Variants in HSPH1 observed in about 807,000 individuals in gnomAD.
The protein encoded by HSPH1 is heat shock protein family H (Hsp110) member 1, also known as heat shock protein 105 kDa.
In HSPH1, 40 loss-of-function variants were observed where a neutral mutation model predicts 100.0. The ratio of observed to expected loss-of-function variants is 0.40; its 90% CI spans 0.31 to 0.52. The LOEUF (loss-of-function observed/expected upper bound fraction) is 0.52, where lower values mean the gene tolerates loss of function less well. HSPH1 is among the 20% of genes least tolerant of loss of function. The probability of loss-of-function intolerance (pLI) is 0.54; values close to 1 mark genes in which losing one functional copy is unlikely to be tolerated. For missense variants in HSPH1, 876 were observed against 1,015.1 expected (o/e 0.86, Z 1.86); for synonymous variants, 403 against 344.0 (o/e 1.17, Z -1.90).
At chr13:31,145,793 C>CA (rs1956245879) in intron 10 of HSPH1, 25 bp from the exon 11 acceptor site, 3 of 1,601,046 alleles carry the variant, frequency 1.9e-6, no homozygotes, top group Non-Finnish European at 2.6e-6. Context: ...ACAAAAATCA[C>CA]AAAATCACAA....
chr13:31,143,720 C>A, intron 12 of HSPH1, 72 bp downstream of exon 12: 1 of 1,275,424 alleles, frequency 7.8e-7, no homozygotes, highest in Non-Finnish European at 1.0e-6. Context: ...CTTGAAACTG[C>A]AATTTAATGA....
At position 31,137,523 on chromosome 13, in the gene HSPH1, T is replaced by G. The variant is rs1433234257; in HGVS notation, c.2372A>C (p.Glu791Ala). The G allele has an allele frequency of 1.9e-6, 3 of 1,607,220 alleles. No homozygotes were observed. The highest frequency in any genetic ancestry group is 2.5e-6 in the Non-Finnish European group (3 of 1,177,752). The change falls in exon 18 of 18, where the codon GAA (glutamate) becomes GCA (alanine). Residue 791 changes from glutamate to alanine, a missense_variant and splice_region_variant. Transcript: ENST00000320027. ...AACGGGTTCACATGTGTTGTTCAAT[T>G]CCTAAAGAAAACAAAAACTAGTTAT... The part of the protein sequence containing the change: ...RAQEIKTKIK[E>A]LNNTCEPVVT...
chr13:31,151,488 A>G, intron 6 of HSPH1, 121 bp downstream of exon 6: 2 of 927,984 alleles, frequency 2.2e-6, no homozygotes, highest in Non-Finnish European at 3.2e-6. Flanking sequence ...TCCTGTTAAC[A>G]TCTTTACCTA....
At chr13:31,156,248 G>A (rs902491747) in intron 2 of HSPH1, among the ~76,000 whole-genome samples, 1 of 152,050 alleles carries the variant, frequency 6.6e-6, no homozygotes, top group Non-Finnish European at 1.5e-5. Flanking sequence ...AAATTAGCCG[G>A]GCGTGGTTGC....
chr13:31,135,977 G>C lies in HSPH1; in HGVS notation c.*1341C>G, dbSNP rs183507778. On this transcript the variant is annotated 3_prime_UTR_variant, in exon 18 of 18. Transcript: ENST00000320027. Reference sequence around the variant, plus strand: ...TTGCTTGAGCCCAGGAGTTCAAGACGAACTTGGGCAACATAGCGAAACCCC... The same window carrying C: ...TTGCTTGAGCCCAGGAGTTCAAGACCAACTTGGGCAACATAGCGAAACCCC... 10 of 151,030 alleles carry C rather than the reference G, an allele frequency of 6.6e-5. No individual in the cohort carries two copies. The highest frequency in any genetic ancestry group is 1.2e-4 in the Non-Finnish European group (8 of 67,816). 9.4% of individuals were successfully genotyped at this position (151,030 alleles called of 1,614,324 possible). A position where few individuals can be genotyped will look rare whatever the true frequency, so the allele number is the denominator to read the frequency against.
At chr13:31,137,559 C>T (rs376786358) in intron 17 of HSPH1, 35 bp from the exon 18 acceptor site, 7 of 1,489,472 alleles carry the variant, frequency 4.7e-6, no homozygotes, top group Non-Finnish European at 5.5e-6. Flanking sequence ...CAGATTAACT[C>T]AGATCCATCC....
upstream of HSPH1, chr13:31,162,322 A>T (rs981862918): frequency 1.0e-5 from 6 of 585,492 alleles, no homozygotes; most frequent in African/African-American, 1.1e-4. Flanking sequence ...AGACACCGGG[A>T]TGGTGGGGAG....
chr13:31,143,578 T>C (rs991016568), intron 12 of HSPH1, among the ~76,000 whole-genome samples: 1 of 152,114 alleles, frequency 6.6e-6, no homozygotes, highest in Non-Finnish European at 1.5e-5. Flanking sequence ...AAGAGAAGCT[T>C]TTAAAAGTTT....
intron 1 of HSPH1, 58 bp downstream of exon 1, chr13:31,161,418 G>A: frequency 6.3e-7 from 1 of 1,594,672 alleles, no homozygotes; most frequent in South Asian, 1.1e-5. Flanking sequence ...GCGATCTTGG[G>A]TCCCCACACT....
intron 11 of HSPH1, 48 bp downstream of exon 11, chr13:31,145,515 G>A (rs775531563): frequency 2.1e-6 from 3 of 1,447,268 alleles, no homozygotes; most frequent in Non-Finnish European, 2.9e-6. Context: ...CTATAGCTTA[G>A]AACTAAGTCA....
chr13:31,138,489 T>C lies in HSPH1; in HGVS notation c.2288A>G (p.Asn763Ser), dbSNP rs1221716459. ...KSVNEVMEWMNNVMNAQAKKS... is the reference protein window; with the variant it reads ...KSVNEVMEWMSNVMNAQAKKS... Reference sequence around the variant, plus strand: ...TTTAGCCTGAGCATTCATGACATTATTCATCCATTCCATCACTTCATTAAC... The same window carrying C: ...TTTAGCCTGAGCATTCATGACATTACTCATCCATTCCATCACTTCATTAAC... Residue 763 changes from asparagine (N) to serine (S), a missense_variant, in exon 17 of 18, where the codon AAT becomes AGT. Coordinates refer to ENST00000320027, the MANE Select transcript of HSPH1 (RefSeq NM_006644.4). The C allele has an allele frequency of 6.2e-7, 1 of 1,613,056 alleles. No homozygotes were observed. The highest frequency in any genetic ancestry group is 8.5e-7 in the Non-Finnish European group (1 of 1,179,238).
intron 11 of HSPH1, among the ~76,000 whole-genome samples, chr13:31,144,148 T>C (rs1956192309): frequency 6.6e-6 from 1 of 152,156 alleles, no homozygotes. Context: ...TATCGTTAAA[T>C]AACACAAGTA....
At position 31,138,458 on chromosome 13, in the gene HSPH1, A is replaced by T; in HGVS notation, c.2319T>A (p.Ser773Arg). 1 of 1,613,086 alleles carries T rather than the reference A, an allele frequency of 6.2e-7. No individual in the cohort carries two copies. The highest frequency in any genetic ancestry group is 1.1e-5 in the South Asian group (1 of 90,992). ...CACGTACAACTGGATCCTGATCAAG[A>T]CTCTTTTTAGCCTGAGCATTCATGA... is the stretch of plus-strand genomic sequence containing the variant. ...NNVMNAQAKK[S>R]LDQDPVVRAQ... is the part of the protein sequence containing the mutation. Residue 773 changes from serine to arginine, a missense_variant, in exon 17 of 18, where the codon AGT becomes AGA. Coordinates refer to ENST00000320027, the MANE Select transcript of HSPH1 (RefSeq NM_006644.4).
At chr13:31,146,788 T>C (rs1248801368) in intron 10 of HSPH1, among the ~76,000 whole-genome samples, 1 of 152,172 alleles carries the variant, frequency 6.6e-6, no homozygotes, top group Non-Finnish European at 1.5e-5. Context: ...AACCAAGTGC[T>C]AGGTGTAAGT....
At chr13:31,152,254 T>G (rs1365071239) in intron 5 of HSPH1, 1 of 152,404 alleles carries the variant, frequency 6.6e-6, no homozygotes, top group Non-Finnish European at 1.5e-5. Flanking sequence ...TATTTAACAG[T>G]TTTCCAAAAA....
chr13:31,162,072 C>A (rs905793516), upstream of HSPH1: 12 of 1,536,158 alleles, frequency 7.8e-6, no homozygotes, highest in African/African-American at 1.2e-4. Context: ...AGCCGGTCCC[C>A]GGAGAACGGC....
rs573215183 is a variant in HSPH1 at position 31,158,962 on chromosome 13, G to A, written c.108-99C>T. 187 of 753,134 alleles carry A rather than the reference G, an allele frequency of 2.5e-4. 7 individuals carry two copies. The highest frequency in any genetic ancestry group is 9.7e-4 in the East Asian group (37 of 38,214). 46.7% of individuals were successfully genotyped at this position (753,134 alleles called of 1,614,324 possible). On this transcript the variant is annotated intron_variant, in intron 1 of 17. Coordinates refer to ENST00000320027, the MANE Select transcript of HSPH1 (RefSeq NM_006644.4). ...AACATAAATGTCCTACCCATTAGGG[G>A]ATAGGGAACAAGCATAGCACAATTT...
At chr13:31,155,811 A>G (rs967398026) in intron 2 of HSPH1, among the ~76,000 whole-genome samples, 157 bp from the exon 3 acceptor site, 32 of 152,318 alleles carry the variant, frequency 2.1e-4, no homozygotes, top group South Asian at 1.0e-3. Flanking sequence ...TTTCCCATCT[A>G]TGAACAGATT....
chr13:31,145,061 A>T (rs1301063032), intron 11 of HSPH1, among the ~76,000 whole-genome samples: 2 of 152,184 alleles, frequency 1.3e-5, no homozygotes, highest in African/African-American at 4.8e-5. Flanking sequence ...AATGATGAAT[A>T]ACAACTCTTA....
Sources: gnomAD v4.1 joint callset for allele counts (sites outside exome capture counted in the v4.1 genomes callset) on GRCh38, gnomAD v4.1.1 for gene constraint, MANE v1.5 for transcripts, NCBI Gene and HGNC (gene_info 2026-07-23, HGNC 2026-07-21) for gene names.